The following RNF13 variants were observed in gnomAD, a reference collection of about 807,000 sequenced individuals.
The protein encoded by RNF13 is ring finger protein 13.
RNF13 carries 19 observed loss-of-function variants against 37.7 expected under a neutral mutation model. The ratio of observed to expected loss-of-function variants is 0.50; its 90% confidence interval spans 0.35 to 0.74. The LOEUF (loss-of-function observed/expected upper bound fraction) is 0.74. Among genes scored for constraint, RNF13 ranks in the 30% least tolerant of loss-of-function variants. The pLI is 0.01. For missense variants in RNF13, 375 were observed against 453.0 expected (o/e 0.83, Z 1.56); for synonymous variants, 144 against 157.8 (o/e 0.91, Z 0.65).
At chr3:149,823,846 C>T (rs967952808) in intron 1 of RNF13, among the ~76,000 whole-genome samples, 24 of 152,078 alleles carry the variant, frequency 1.6e-4, no homozygotes, top group African/African-American at 5.8e-4. Context: ...GAAGTAGCTA[C>T]GGAGTTAAAG....
chr3:149,872,881 A>G (rs2108443692), intron 4 of RNF13, among the ~76,000 whole-genome samples: 1 of 152,374 alleles, frequency 6.6e-6, no homozygotes, highest in African/African-American at 2.4e-5. Flanking sequence ...CATGGAAGAA[A>G]TGATACCTCC....
upstream of RNF13, chr3:149,812,721 C>CA (rs1719027109): frequency 6.6e-6 from 1 of 152,540 alleles, no homozygotes; most frequent in African/African-American, 2.4e-5. Flanking sequence ...TTTAGTAGGT[C>CA]GGGTGAGTGT....
chr3:149,846,275 T>C, intron 2 of RNF13, 135 bp downstream of exon 2: 1 of 564,816 alleles, frequency 1.8e-6, no homozygotes, highest in Non-Finnish European at 3.1e-6. Flanking sequence ...ATATACACAG[T>C]TACTTGACAT....
intron 1 of RNF13, among the ~76,000 whole-genome samples, chr3:149,819,497 T>C (rs575251497): frequency 2.0e-5 from 3 of 152,352 alleles, no homozygotes; most frequent in South Asian, 4.1e-4. Context: ...TGCTAGATGC[T>C]AGGTATTGTA....
At chr3:149,909,442 ATTTTT>A (rs35918938) in intron 6 of RNF13, among the ~76,000 whole-genome samples, 1 of 114,448 alleles carries the variant, frequency 8.7e-6, no homozygotes, top group African/African-American at 3.4e-5. Context: ...TGCCTGGTTA[ATTTTT>A]TTTTTTTTTT....
At chr3:149,956,056 T>TGGATTGGTATG (rs113039448) in intron 8 of RNF13, among the ~76,000 whole-genome samples, 136 of 151,948 alleles carry the variant, frequency 9.0e-4, no homozygotes, top group African/African-American at 3.1e-3. Context: ...GAATGAAGGG[T>TGGATTGGTATG]GGATTGGTAT....
chr3:149,948,661 GTTA>G (rs1182259920), intron 8 of RNF13, among the ~76,000 whole-genome samples: 29 of 152,284 alleles, frequency 1.9e-4, no homozygotes, highest in East Asian at 1.9e-4. Flanking sequence ...CCCATTCTAT[GTTA>G]TTGATGACTC....
chr3:149,895,660 A>G, intron 5 of RNF13, 100 bp downstream of exon 5: 1 of 696,542 alleles, frequency 1.4e-6, no homozygotes, highest in Non-Finnish European at 2.4e-6. Flanking sequence ...TTAAAAAGCA[A>G]AATTTCTTCT....
Position 149,961,415 on chromosome 3 carries a change from T to TTAAG in RNF13, c.*313_*316dup, listed in dbSNP as rs558938603. ...GCAATTAAGACCTAGATCACAGTAT[T>TTAAG]TAAGTGTTTTGCGTTTTATACATGA... is the stretch of plus-strand genomic sequence containing the variant. On this transcript the variant is annotated 3_prime_UTR_variant, in exon 10 of 10. Coordinates refer to ENST00000392894, the MANE Select transcript of RNF13 (RefSeq NM_183381.3). 5.6e-5 allele frequency: 28 copies of TTAAG among 500,552 alleles called. No homozygotes were observed. In the East Asian group the frequency reaches 8.8e-4, roughly 16 times the overall value. 31.0% of individuals were successfully genotyped at this position (500,552 alleles called of 1,614,324 possible). A position where few individuals can be genotyped will look rare whatever the true frequency, so the allele number is the denominator to read the frequency against.
At chr3:149,879,284 A>G (rs1713101745) in intron 4 of RNF13, among the ~76,000 whole-genome samples, 1 of 150,522 alleles carries the variant, frequency 6.6e-6, no homozygotes, top group African/African-American at 2.4e-5. Context: ...ATCAGACTTC[A>G]TTAAAGACCT....
intron 8 of RNF13, among the ~76,000 whole-genome samples, chr3:149,931,001 G>A (rs907515128): frequency 2.0e-5 from 3 of 151,910 alleles, no homozygotes; most frequent in African/African-American, 7.3e-5. Context: ...TCTTTTCAAA[G>A]AACAATATTT....
At chr3:149,814,988 TCTCTATGTGTAATGCAAATCATAGAC>T (rs1719280678) in intron 1 of RNF13, among the ~76,000 whole-genome samples, 1 of 152,142 alleles carries the variant, frequency 6.6e-6, no homozygotes, top group Non-Finnish European at 1.5e-5. Context: ...TGACATCTTG[TCTCTATGTGTAATGCAAATCATAGAC>T]AGAATCTTGG....
chr3:149,873,628 C>T (rs946488268), intron 4 of RNF13, among the ~76,000 whole-genome samples: 1 of 152,182 alleles, frequency 6.6e-6, no homozygotes, highest in Non-Finnish European at 1.5e-5. Context: ...ACTATTTTCT[C>T]TGTCCAAGAT....
intron 4 of RNF13, among the ~76,000 whole-genome samples, chr3:149,880,203 CTCTTGTTGCACAGAAAGTTAT>C (rs1453851298): frequency 6.6e-6 from 1 of 152,118 alleles, no homozygotes; most frequent in African/African-American, 2.4e-5. Context: ...GAAAGTTATC[CTCTTGTTGCACAGAAAGTTAT>C]TCTAAAGCCT....
intron 4 of RNF13, among the ~76,000 whole-genome samples, chr3:149,885,212 T>G (rs1322381222): frequency 6.6e-6 from 1 of 152,142 alleles, no homozygotes; most frequent in Non-Finnish European, 1.5e-5. Context: ...ATCTCTTTCA[T>G]ATAGTGATTT....
chr3:149,813,689 C>G (rs1341824664), intron 1 of RNF13: 3 of 152,170 alleles, frequency 2.0e-5, no homozygotes, highest in East Asian at 3.9e-4. Context: ...AAGTACCTGC[C>G]GCAACGTCCT....
intron 3 of RNF13, among the ~76,000 whole-genome samples, chr3:149,854,831 G>A (rs1723486027): frequency 1.3e-5 from 2 of 152,292 alleles, no homozygotes; most frequent in Non-Finnish European, 2.9e-5. Flanking sequence ...ATTTTTCTGA[G>A]TGATAGACTT....
At chr3:149,914,245 C>A (rs1717274038) in intron 7 of RNF13, among the ~76,000 whole-genome samples, 1 of 151,836 alleles carries the variant, frequency 6.6e-6, no homozygotes, top group African/African-American at 2.4e-5. Flanking sequence ...GCTTCAGGTT[C>A]ATCTTATATT....
Position 149,872,570 on chromosome 3 carries a change from C to T in RNF13, c.321+416C>T, listed in dbSNP as rs148639998. On this transcript the variant is annotated intron_variant, in intron 4 of 9. Transcript: ENST00000392894. ...TAAGCTAGCATTTCAGATAGTAAAACAAGGTTTACCCACCTCCGTCACCAT... is the reference window on the plus strand; with the variant it reads ...TAAGCTAGCATTTCAGATAGTAAAATAAGGTTTACCCACCTCCGTCACCAT... Among the ~76,000 whole-genome samples the T allele has an allele frequency of 2.8e-3, 429 of 152,292 alleles. 2 individuals are homozygous for T. Among genetic ancestry groups the T allele is most frequent in the African/African-American group, 9.9e-3 (410 of 41,558 alleles).
Sources: gnomAD v4.1 joint callset for allele counts (sites outside exome capture counted in the v4.1 genomes callset) on GRCh38, gnomAD v4.1.1 for gene constraint, MANE v1.5 for transcripts, NCBI Gene and HGNC (gene_info 2026-07-23, HGNC 2026-07-21) for gene names.